Variants in DIP2C observed in about 807,000 individuals in gnomAD.
The protein encoded by DIP2C is disco-interacting protein 2 homolog C.
DIP2C carries 33 observed loss-of-function variants against 192.4 expected under a neutral mutation model. The ratio of observed to expected loss-of-function variants is 0.17; its 90% confidence interval spans 0.13 to 0.23. The LOEUF (loss-of-function observed/expected upper bound fraction) is 0.23, where lower values mean the gene tolerates loss of function less well. DIP2C is among the 10% of genes least tolerant of loss of function. The pLI, the probability that DIP2C is intolerant of heterozygous loss-of-function variation, is 1.00. For synonymous variants in DIP2C, 979 were observed against 864.1 expected (o/e 1.13, Z -2.33); for missense variants, 1,537 against 2,110.1 (o/e 0.73, Z 5.32).
intron 9 of DIP2C, among the ~76,000 whole-genome samples, chr10:408,092 G>T (rs1197627119): frequency 1.3e-5 from 2 of 150,626 alleles, no homozygotes; most frequent in Non-Finnish European, 1.5e-5. Flanking sequence ...ACATTTAGGC[G>T]TTTGGTCCAT....
intron 24 of DIP2C, among the ~76,000 whole-genome samples, chr10:353,227 T>C (rs1314796420): frequency 6.6e-6 from 1 of 152,096 alleles, no homozygotes; most frequent in Non-Finnish European, 1.5e-5. Context: ...TCACTGTCAG[T>C]TTCTGTAAAC....
chr10:675,017 C>G (rs891622132), intron 1 of DIP2C, among the ~76,000 whole-genome samples: 3 of 151,996 alleles, frequency 2.0e-5, no homozygotes, highest in Admixed American at 6.6e-5. Flanking sequence ...ATGGAACATT[C>G]TCTAGAATCA....
At chr10:317,065 G>A (rs1369223407) in intron 31 of DIP2C, among the ~76,000 whole-genome samples, 4 of 152,146 alleles carry the variant, frequency 2.6e-5, no homozygotes, top group African/African-American at 9.7e-5. Context: ...AATAAAAAAT[G>A]GAATTCCAAA....
At chr10:679,490 C>CATCT (rs1336484358) in intron 1 of DIP2C, among the ~76,000 whole-genome samples, 1 of 48,596 alleles carries the variant, frequency 2.1e-5, no homozygotes, top group Non-Finnish European at 4.7e-5. Flanking sequence ...TCCCCACACC[C>CATCT]CTGCTCCCCA....
intron 1 of DIP2C, among the ~76,000 whole-genome samples, chr10:555,626 A>G (rs1351998038): frequency 6.6e-6 from 1 of 152,154 alleles, no homozygotes; most frequent in Non-Finnish European, 1.5e-5. Flanking sequence ...CTCTCAGGGT[A>G]TCTGGGGACC....
rs1256512005 is a variant in DIP2C, at chr10:419,217, A to G, written c.605-18T>C. 2.5e-6 allele frequency: 4 copies of G among 1,614,000 alleles called. No individual in the cohort carries two copies. The highest frequency in any genetic ancestry group is 2.7e-5 in the African/African-American group (2 of 74,944). ...ATGATTTTCTGTAAAGAAACACATC[A>G]TGAGATTTTCTGGTGGTTGTGATGT... On this transcript the variant is annotated intron_variant, in intron 5 of 36. Transcript: ENST00000280886.
At chr10:344,764 T>C in intron 28 of DIP2C, 45 bp downstream of exon 28, 1 of 1,519,632 alleles carries the variant, frequency 6.6e-7, no homozygotes, top group Admixed American at 2.0e-5. Context: ...TCCAGCACGC[T>C]CCGCAGTTGC....
chr10:303,584 C>T (rs966389764), intron 32 of DIP2C, among the ~76,000 whole-genome samples: 10 of 151,442 alleles, frequency 6.6e-5, no homozygotes, highest in African/African-American at 2.2e-4. Context: ...AGTGCAGTGG[C>T]GCGATCTTGG....
intron 1 of DIP2C, among the ~76,000 whole-genome samples, chr10:559,931 T>A (rs1849111136): frequency 6.6e-6 from 1 of 151,760 alleles, no homozygotes; most frequent in African/African-American, 2.4e-5. Flanking sequence ...AGGTGTTCCT[T>A]CCCCTTGATG....
At chr10:483,911 G>T (rs1238841747) in intron 2 of DIP2C, among the ~76,000 whole-genome samples, 2 of 152,120 alleles carry the variant, frequency 1.3e-5, no homozygotes, top group African/African-American at 2.4e-5. Flanking sequence ...TGACTTCTTG[G>T]ATTCAAGCAA....
Position 389,909 on chromosome 10 carries a change from T to C in DIP2C, c.1597+82A>G, listed in dbSNP as rs1589682873. On this transcript the variant is annotated intron_variant, in intron 13 of 36. Coordinates refer to ENST00000280886, the MANE Select transcript of DIP2C (RefSeq NM_014974.3). ...ACAAACTTCACGCTATTTCTATGGC[T>C]CCTCGTGGGAGTGATGTGGCCTTCG... 3 of 1,092,490 alleles carry C rather than the reference T, an allele frequency of 2.7e-6. No individual in the cohort carries two copies. The East Asian group carries it at 7.1e-5, about 26-fold the overall frequency. The allele number at this position is 1,092,490 out of a possible 1,614,324, so 67.7% of individuals were successfully genotyped here.
chr10:476,828 A>G (rs1274248811), intron 2 of DIP2C, among the ~76,000 whole-genome samples: 1 of 152,122 alleles, frequency 6.6e-6, no homozygotes, highest in African/African-American at 2.4e-5. Context: ...AAACTGCTAA[A>G]ATTTCAGATC....
rs182963446 is a variant in DIP2C at position 609,538 on chromosome 10, C to T, written c.85+79956G>A. Among the ~76,000 whole-genome samples, 519 of 152,232 alleles carry T rather than the reference C, an allele frequency of 3.4e-3. 3 individuals are homozygous for T. The highest frequency in any genetic ancestry group is 0.017 in the Middle Eastern group (5 of 294). ...CCCACTTAAGATTTCATAATTAACT[C>T]AATTAAAAAACAATGTAAGTCATCT... On this transcript the variant is annotated intron_variant, in intron 1 of 36. Coordinates refer to ENST00000280886, the MANE Select transcript of DIP2C (RefSeq NM_014974.3).
chr10:594,239 C>T (rs1360290497), intron 1 of DIP2C, among the ~76,000 whole-genome samples: 1 of 152,140 alleles, frequency 6.6e-6, no homozygotes, highest in Non-Finnish European at 1.5e-5. Context: ...CCTGCCAGGC[C>T]CTTTCCTATC....
intron 3 of DIP2C, among the ~76,000 whole-genome samples, chr10:441,847 C>T (rs12570675): frequency 6.6e-6 from 1 of 152,114 alleles, no homozygotes; most frequent in Non-Finnish European, 1.5e-5. Flanking sequence ...AGTGCCTCCT[C>T]TGTAAGTCCC....
intron 16 of DIP2C, 73 bp from the exon 17 acceptor site, chr10:382,834 T>TA (rs1264435986): frequency 8.9e-7 from 1 of 1,128,814 alleles, no homozygotes; most frequent in East Asian, 2.6e-5. Context: ...CCATAGAAAA[T>TA]AGTTCCGAAG....
At chr10:552,999 C>T (rs1055443990) in intron 1 of DIP2C, among the ~76,000 whole-genome samples, 3 of 152,362 alleles carry the variant, frequency 2.0e-5, no homozygotes, top group Admixed American at 2.0e-4. Flanking sequence ...AGGGAAGAAG[C>T]CAGTATTTCC....
At chr10:405,548 T>C (rs1964742523) in intron 9 of DIP2C, among the ~76,000 whole-genome samples, 1 of 152,214 alleles carries the variant, frequency 6.6e-6, no homozygotes, top group Admixed American at 6.5e-5. Context: ...ACTTACATCA[T>C]TTTTGTTAGG....
At chr10:340,515 G>A (rs1958092157) in intron 29 of DIP2C, among the ~76,000 whole-genome samples, 1 of 152,164 alleles carries the variant, frequency 6.6e-6, no homozygotes. Context: ...TATGCCCAAT[G>A]CTAATAGTGG....
Sources: allele counts gnomAD v4.1 joint callset (sites outside exome capture counted in the v4.1 genomes callset), GRCh38; gene constraint gnomAD v4.1.1; transcripts MANE v1.5; gene names NCBI Gene and HGNC (gene_info 2026-07-23, HGNC 2026-07-21).